COL4A2: variants seen among roughly 807,000 people sequenced by gnomAD.
COL4A2 encodes the protein collagen type IV alpha 2 chain.
A neutral mutation model predicts 200.2 loss-of-function variants in COL4A2; 99 were observed. The observed-to-expected ratio is 0.49, with a 90% CI of 0.42 to 0.58. The LOEUF (loss-of-function observed/expected upper bound fraction) is 0.58, where lower values mean the gene tolerates loss of function less well. COL4A2 is among the 20% of genes least tolerant of loss of function. The probability of loss-of-function intolerance (pLI) is 0.00; values close to 1 mark genes in which losing one functional copy is unlikely to be tolerated. For synonymous variants in COL4A2, 897 were observed against 900.6 expected (o/e 1.00, Z 0.07); for missense variants, 1,950 against 2,314.1 (o/e 0.84, Z 3.23).
intron 36 of COL4A2, 93 bp downstream of exon 36, chr13:110,489,878 C>T (rs893937032): frequency 1.5e-6 from 2 of 1,376,138 alleles, no homozygotes; most frequent in Non-Finnish European, 2.0e-6. Flanking sequence ...AATTCAGTAA[C>T]AACCAGAAAG....
intron 27 of COL4A2, 129 bp downstream of exon 27, chr13:110,467,225 C>G: frequency 8.1e-7 from 1 of 1,231,544 alleles, no homozygotes; most frequent in Non-Finnish European, 1.1e-6. Context: ...TCCAGCATCT[C>G]AGCACAAACT....
Position 110,396,567 on chromosome 13 carries a change from T to A in COL4A2, c.181-28167T>A, listed in dbSNP as rs539623102. Among the ~76,000 whole-genome samples the A allele has an allele frequency of 4.6e-5, 7 of 152,324 alleles. No individual in the cohort carries two copies. In the South Asian group the frequency reaches 1.5e-3, roughly 32 times the overall value. On this transcript the variant is annotated intron_variant, in intron 4 of 47. Transcript: ENST00000360467. ...CAAGATGTTCTGTGAAATGGGGCTC[T>A]TGTCTTTTCTGGAGAACATGCCTTC...
At position 110,503,955 on chromosome 13, in the gene COL4A2, CG is replaced by C. The variant is rs778119699; in HGVS notation, c.4252del (p.Glu1418ArgfsTer41). On this transcript the variant is annotated frameshift_variant, in exon 44 of 48. Coordinates refer to ENST00000360467, the MANE Select transcript of COL4A2 (RefSeq NM_001846.4). LOFTEE classifies it high-confidence loss of function. ...PQGRRGPPGA[P>X]GEMGPQGPPG... is the part of the protein sequence containing the mutation. ...GGGAGGCGAGGCCCCCCTGGGGCAC[CG>C]GGGGAGATGGGGCCCCAGGGCCCCC... 1 of 1,571,652 alleles carries C rather than the reference CG, an allele frequency of 6.4e-7. No individual in the cohort carries two copies. Among genetic ancestry groups the C allele is most frequent in the South Asian group, 1.2e-5 (1 of 86,956 alleles).
chr13:110,436,331 G>A lies in COL4A2; in HGVS notation c.789G>A (p.Ala263=), dbSNP rs778452032. The A allele has an allele frequency of 7.4e-6, 12 of 1,613,680 alleles. No individual in the cohort carries two copies. Among genetic ancestry groups the A allele is most frequent in the East Asian group, 4.5e-5 (2 of 44,860 alleles). ...CAGACACCCTCCACCCCATCATCGC[G>A]CCCACAGGAGTCACCTTCCACCCAG... is the stretch of plus-strand genomic sequence containing the variant. ...IPSDTLHPII[A]PTGVTFHPDQ... is the part of the protein sequence containing the mutation. Residue 263 remains alanine (A), a synonymous_variant, in exon 13 of 48, where the codon GCG becomes GCA. Coordinates refer to ENST00000360467, the MANE Select transcript of COL4A2 (RefSeq NM_001846.4).
chr13:110,384,357 A>G (rs1423262637), intron 4 of COL4A2, among the ~76,000 whole-genome samples: 4 of 152,228 alleles, frequency 2.6e-5, no homozygotes, highest in Admixed American at 1.3e-4. Context: ...GGTGAACTCT[A>G]AAACCCTCCT....
intron 29 of COL4A2, among the ~76,000 whole-genome samples, chr13:110,474,103 C>T (rs370379697): frequency 9.2e-5 from 14 of 151,778 alleles, no homozygotes; most frequent in Admixed American, 7.9e-4. Flanking sequence ...CTCCAGCCTG[C>T]GTGACAGAGT....
intron 16 of COL4A2, among the ~76,000 whole-genome samples, chr13:110,442,972 C>T (rs778653045): frequency 1.4e-4 from 21 of 150,184 alleles, no homozygotes; most frequent in Non-Finnish European, 2.5e-4. Flanking sequence ...GGACCATTGT[C>T]CTCTATGAGG....
At chr13:110,470,173 G>C (rs1044275905) in intron 28 of COL4A2, among the ~76,000 whole-genome samples, 8 of 152,092 alleles carry the variant, frequency 5.3e-5, no homozygotes, top group Admixed American at 2.0e-4. Flanking sequence ...GCCTCAGCCT[G>C]CCAAAGTGCT....
At chr13:110,350,298 A>G (rs1876898339) in intron 3 of COL4A2, among the ~76,000 whole-genome samples, 2 of 152,180 alleles carry the variant, frequency 1.3e-5, no homozygotes, top group Admixed American at 1.3e-4. Flanking sequence ...TCCAATTCCT[A>G]CAGTTTTGAA....
chr13:110,450,195 C>A, intron 19 of COL4A2, 110 bp from the exon 20 acceptor site: 1 of 863,486 alleles, frequency 1.2e-6, no homozygotes, highest in Non-Finnish European at 1.9e-6. Context: ...GAGTTATTGA[C>A]GGGGCCATGA....
At chr13:110,396,209 T>C (rs57465067) in intron 4 of COL4A2, among the ~76,000 whole-genome samples, 3,771 of 152,350 alleles carry the variant, frequency 0.025, 68 homozygotes, top group Middle Eastern at 0.058. Flanking sequence ...GCTGCATTTG[T>C]TACAACTGAT....
intron 4 of COL4A2, among the ~76,000 whole-genome samples, chr13:110,387,005 C>G (rs951567233): frequency 2.0e-5 from 3 of 152,022 alleles, no homozygotes; most frequent in Non-Finnish European, 4.4e-5. Context: ...TTTGGGAGGC[C>G]GAGGCGGGTG....
chr13:110,333,164 G>A (rs1786428404), intron 3 of COL4A2, among the ~76,000 whole-genome samples: 1 of 152,202 alleles, frequency 6.6e-6, no homozygotes, highest in African/African-American at 2.4e-5. Context: ...GGGGTGTAGT[G>A]ACCACCTGAA....
At chr13:110,368,984 G>A (rs772112771) in intron 4 of COL4A2, among the ~76,000 whole-genome samples, 6 of 152,102 alleles carry the variant, frequency 3.9e-5, no homozygotes, top group Non-Finnish European at 4.4e-5. Context: ...CGAGGAGGGC[G>A]GATCACGAGG....
chr13:110,365,752 A>G (rs1010292378), intron 4 of COL4A2, among the ~76,000 whole-genome samples: 1 of 152,068 alleles, frequency 6.6e-6, no homozygotes, highest in Non-Finnish European at 1.5e-5. Flanking sequence ...CTTCTCTTAC[A>G]CCAGTGCCTT....
intron 34 of COL4A2, among the ~76,000 whole-genome samples, chr13:110,486,489 G>A (rs952424231): frequency 3.9e-5 from 6 of 152,280 alleles, no homozygotes; most frequent in South Asian, 2.1e-4. Flanking sequence ...TTCTAGCCTC[G>A]TTCATATGAA....
Position 110,443,737 on chromosome 13 carries a change from C to G in COL4A2, c.958-2092C>G, listed in dbSNP as rs9583495. 7.0e-3 allele frequency among the ~76,000 whole-genome samples: 1,068 copies of G among 152,238 alleles called. 8 individuals carry two copies. Among genetic ancestry groups the G allele is most frequent in the African/African-American group, 0.022 (916 of 41,544 alleles). ...CTTGCTAGCAGGAGTACAGACCTTG[C>G]CTGGAAGCGGGGTCTCAGGGAGCCC... On this transcript the variant is annotated intron_variant, in intron 16 of 47. Coordinates refer to ENST00000360467, the MANE Select transcript of COL4A2 (RefSeq NM_001846.4).
intron 4 of COL4A2, among the ~76,000 whole-genome samples, chr13:110,403,847 A>T (rs1195177386): frequency 6.6e-6 from 1 of 152,230 alleles, no homozygotes; most frequent in Non-Finnish European, 1.5e-5. Context: ...AGAGTAGGTG[A>T]TTTATGTACA....
chr13:110,511,604 T>TA (rs1884081806), intron 47 of COL4A2, among the ~76,000 whole-genome samples: 1 of 152,256 alleles, frequency 6.6e-6, no homozygotes, highest in African/African-American at 2.4e-5. Context: ...TTTGTTTTGT[T>TA]ACTGAAATGC....
Sources: gnomAD v4.1 joint callset for allele counts (sites outside exome capture counted in the v4.1 genomes callset) on GRCh38, gnomAD v4.1.1 for gene constraint, MANE v1.5 for transcripts, NCBI Gene and HGNC (gene_info 2026-07-23, HGNC 2026-07-21) for gene names.